FOXJ2: variants seen among roughly 807,000 people sequenced by gnomAD.
FOXJ2 encodes the protein forkhead box protein J2.
In FOXJ2, 18 loss-of-function variants were observed where a neutral mutation model predicts 68.4. That is an observed-to-expected ratio of 0.26 (90% CI 0.18 to 0.39). The LOEUF (loss-of-function observed/expected upper bound fraction) is 0.39. Among genes scored for constraint, FOXJ2 ranks in the 10% least tolerant of loss-of-function variants. FOXJ2 has a pLI of 1.00. For synonymous variants in FOXJ2, 274 were observed against 263.2 expected (o/e 1.04, Z -0.40); for missense variants, 670 against 726.5 (o/e 0.92, Z 0.89).
At chr12:8,036,899 G>A (rs1281801258) in intron 1 of FOXJ2, among the ~76,000 whole-genome samples, 1 of 152,144 alleles carries the variant, frequency 6.6e-6, no homozygotes, top group Non-Finnish European at 1.5e-5. Context: ...GACCAGCCAG[G>A]CCAACATGGT....
chr12:8,047,821 A>C, intron 6 of FOXJ2, 61 bp from the exon 7 acceptor site: 1 of 1,523,086 alleles, frequency 6.6e-7, no homozygotes, highest in Non-Finnish European at 8.8e-7. Flanking sequence ...ACCCAGGGAA[A>C]ATCCCATTTT....
rs774109890 is a variant in FOXJ2, at chr12:8,043,936, T to C, written c.478-15T>C. ...CGCCTCTGCTTATAGATTTCTTTTT[T>C]TTCACAACCCTCAGCTGTCCCAAGA... On this transcript the variant is annotated splice_polypyrimidine_tract_variant and intron_variant, in intron 4 of 10. Transcript: ENST00000162391. The C allele has an allele frequency of 9.7e-6, 15 of 1,547,186 alleles. 1 individual carries two copies. Among genetic ancestry groups the C allele is most frequent in the Middle Eastern group, 1.7e-4 (1 of 5,736 alleles).
intron 3 of FOXJ2, among the ~76,000 whole-genome samples, chr12:8,043,158 A>G (rs905685414): frequency 2.2e-5 from 3 of 138,008 alleles, no homozygotes; most frequent in Non-Finnish European, 4.6e-5. Flanking sequence ...CAGAGGTTGC[A>G]GTGAGCTGAG....
At chr12:8,047,178 C>T (rs751912773) in intron 6 of FOXJ2, among the ~76,000 whole-genome samples, 3 of 152,018 alleles carry the variant, frequency 2.0e-5, no homozygotes, top group East Asian at 1.9e-4. Flanking sequence ...AGGGGCCGGT[C>T]GTGGTGTCTC....
At chr12:8,049,594 A>G (rs1565630972) in intron 9 of FOXJ2, 23 bp downstream of exon 9, 2 of 1,539,010 alleles carry the variant, frequency 1.3e-6, no homozygotes, top group Admixed American at 2.0e-5. Context: ...GCCAGTTGCC[A>G]TGGAGGTGGA....
chr12:8,033,626 CCTT>C lies in FOXJ2; in HGVS notation c.-219_-217del. 1 of 152,868 alleles carries C rather than the reference CCTT, an allele frequency of 6.5e-6. No individual in the cohort carries two copies. Among genetic ancestry groups the C allele is most frequent in the Non-Finnish European group, 1.5e-5 (1 of 68,268 alleles). The allele number at this position is 152,868 out of a possible 1,614,324, so 9.5% of individuals were successfully genotyped here. Reference sequence around the variant, plus strand: ...GTGCCACCTTCCCCAAGTAGGACCTCCTTCTCCTCCCCCTCCCCCTCCTCCAAC... The same window carrying C: ...GTGCCACCTTCCCCAAGTAGGACCTCCTCCTCCCCCTCCCCCTCCTCCAAC... On this transcript the variant is annotated 5_prime_UTR_variant, in exon 1 of 11. Transcript: ENST00000162391.
Position 8,039,951 on chromosome 12 carries a change from G to T in FOXJ2, c.119G>T (p.Arg40Leu), listed in dbSNP as rs147737639. The T allele has an allele frequency of 1.2e-6, 2 of 1,613,898 alleles. No homozygotes were observed. The highest frequency in any genetic ancestry group is 2.7e-5 in the African/African-American group (2 of 74,852). Residue 40 changes from arginine (R) to leucine (L), a missense_variant, in exon 2 of 11, where the codon CGC becomes CTC. Transcript: ENST00000162391. The part of the protein sequence containing the change: ...ASQAGPPGSS[R>L]KCSPGSPTDP... ...CAGGCTGGGCCTCCCGGGAGCAGCC[G>T]CAAGTGTTCACCAGGGTCACCCACA...
At chr12:8,050,804 G>C (rs61922169) in intron 10 of FOXJ2, among the ~76,000 whole-genome samples, 184 bp downstream of exon 10, 40,331 of 145,402 alleles carry the variant, frequency 0.28, 6,594 homozygotes, top group Middle Eastern at 0.41. Flanking sequence ...GGAGACTAAC[G>C]AAGACAGTGT....
At chr12:8,048,888 G>T in intron 8 of FOXJ2, 90 bp downstream of exon 8, 1 of 991,908 alleles carries the variant, frequency 1.0e-6, no homozygotes, top group Non-Finnish European at 1.6e-6. Context: ...GTTAAATGAA[G>T]TTGCAGAAAT....
chr12:8,049,472 G>A lies in FOXJ2; in HGVS notation c.1438G>A (p.Val480Met), dbSNP rs201042777. Residue 480 changes from valine to methionine, a missense_variant, in exon 9 of 11, where the codon GTG (valine) becomes ATG (methionine). Around this residue, in one of 2 missense-constraint regions of FOXJ2, gnomAD observed 555 missense variants for 562.2 expected, o/e 0.99. Coordinates refer to ENST00000162391, the MANE Select transcript of FOXJ2 (RefSeq NM_018416.3). ...LNHFLTQTGHVPPQGGTHRPP... is the reference protein window; with the variant it reads ...LNHFLTQTGHMPPQGGTHRPP... ...CCACTTCCTTACTCAGACTGGTCAC[G>A]TGCCCCCTCAAGGGGGTACCCACCG... is the stretch of plus-strand genomic sequence containing the variant. 1.3e-4 allele frequency: 213 copies of A among 1,614,130 alleles called. 4 individuals are homozygous for A. The East Asian group carries it at 4.3e-3, about 32-fold the overall frequency.
chr12:8,047,429 A>G (rs1023731160), intron 6 of FOXJ2, among the ~76,000 whole-genome samples: 1 of 152,204 alleles, frequency 6.6e-6, no homozygotes, highest in Non-Finnish European at 1.5e-5. Context: ...AGCCTGGGCA[A>G]CAAGAGCGAA....
chr12:8,037,436 T>C (rs1946912508), intron 1 of FOXJ2, among the ~76,000 whole-genome samples: 1 of 152,006 alleles, frequency 6.6e-6, no homozygotes, highest in Admixed American at 6.5e-5. Flanking sequence ...GGTGCTAGGG[T>C]AAGGGTAGGG....
intron 1 of FOXJ2, among the ~76,000 whole-genome samples, chr12:8,036,280 A>G (rs941884123): frequency 7.9e-5 from 12 of 152,330 alleles, no homozygotes; most frequent in African/African-American, 1.7e-4. Flanking sequence ...CATTAGAACA[A>G]TTAGTGGCCT....
intron 6 of FOXJ2, 113 bp from the exon 7 acceptor site, chr12:8,047,769 C>T: frequency 5.9e-6 from 8 of 1,361,334 alleles, no homozygotes; most frequent in Admixed American, 2.2e-5. Flanking sequence ...AATGTTCTTA[C>T]CCTTTTAACT....
intron 5 of FOXJ2, among the ~76,000 whole-genome samples, chr12:8,044,344 G>T (rs1401682580): frequency 6.6e-6 from 1 of 152,172 alleles, no homozygotes; most frequent in Non-Finnish European, 1.5e-5. Flanking sequence ...GGAGGTCGAG[G>T]CAGGCGGATC....
intron 1 of FOXJ2, among the ~76,000 whole-genome samples, chr12:8,034,527 A>G (rs187578281): frequency 6.6e-6 from 1 of 152,302 alleles, no homozygotes; most frequent in East Asian, 1.9e-4. Context: ...CCCGGGTTAA[A>G]GTGCTTCCTT....
chr12:8,037,452 C>T (rs1196320736), intron 1 of FOXJ2, among the ~76,000 whole-genome samples: 2 of 152,100 alleles, frequency 1.3e-5, no homozygotes, highest in Non-Finnish European at 2.9e-5. Context: ...TAGGGAAGGG[C>T]GTAGAACAAC....
In FOXJ2 at chr12:8,048,866, C is replaced by T. The variant is rs755044042; in HGVS notation, c.1327+68C>T. On this transcript the variant is annotated intron_variant, in intron 8 of 10. Transcript: ENST00000162391. The stretch of plus-strand genomic sequence containing the variant: ...GGGAAAACCCAGTAGAAACTGGAAC[C>T]GGAAGGGGGTGGTTAAATGAAGTTG... 7.6e-4 allele frequency: 983 copies of T among 1,296,296 alleles called. 1 individual carries two copies. Among genetic ancestry groups the T allele is most frequent in the Non-Finnish European group, 1.0e-3 (913 of 903,238 alleles). The allele number at this position is 1,296,296 out of a possible 1,614,324, so 80.3% of individuals were successfully genotyped here.
chr12:8,041,603 T>C (rs1205204324), intron 2 of FOXJ2, among the ~76,000 whole-genome samples: 1 of 151,772 alleles, frequency 6.6e-6, no homozygotes, highest in Non-Finnish European at 1.5e-5. Flanking sequence ...AGCTTGAACC[T>C]GGGCTCAAGC....
Sources: gnomAD v4.1 joint callset for allele counts (sites outside exome capture counted in the v4.1 genomes callset) on GRCh38, gnomAD v4.1.1 for gene constraint, gnomAD v4.1.1 regional missense constraint, MANE v1.5 for transcripts, NCBI Gene and HGNC (gene_info 2026-07-23, HGNC 2026-07-21) for gene names.